The following VNN1 variants were observed in gnomAD, a reference collection of about 807,000 sequenced individuals.
VNN1 encodes pantetheinase.
Under a neutral mutation model 41.9 loss-of-function variants are expected in VNN1, and 29 were observed. The observed-to-expected ratio is 0.69, with a 90% confidence interval of 0.52 to 0.94. The LOEUF (loss-of-function observed/expected upper bound fraction) is 0.94. Ranked by LOEUF, VNN1 falls within the 40% of genes least tolerant of loss-of-function variation. VNN1 has a pLI of 0.00. For synonymous variants in VNN1, 233 were observed against 224.4 expected (o/e 1.04, Z -0.34); for missense variants, 637 against 621.1 (o/e 1.03, Z -0.27).
Position 132,711,851 on chromosome 6 carries a change from G to A in VNN1, c.211-12C>T, listed in dbSNP as rs903700987. The A allele has an allele frequency of 6.2e-7, 1 of 1,612,166 alleles. No homozygotes were observed. Among genetic ancestry groups the A allele is most frequent in the Non-Finnish European group, 8.5e-7 (1 of 1,179,126 alleles). On this transcript the variant is annotated splice_polypyrimidine_tract_variant and intron_variant, in intron 1 of 6. Transcript: ENST00000367928. ...ATAATATGCGCACCCTGTTAAAAAT[G>A]CAACTTAATCCAAAGGGGGGCCTGC...
At chr6:132,701,284 A>G (rs1778445800) in intron 2 of VNN1, among the ~76,000 whole-genome samples, 1 of 152,258 alleles carries the variant, frequency 6.6e-6, no homozygotes, top group African/African-American at 2.4e-5. Context: ...TTTAGGCATA[A>G]TAAAGGTTAA....
intron 2 of VNN1, among the ~76,000 whole-genome samples, chr6:132,707,522 G>A (rs967270285): frequency 1.3e-5 from 2 of 152,178 alleles, no homozygotes; most frequent in Admixed American, 6.5e-5. Flanking sequence ...GTTCACAATA[G>A]CCAAAATTTG....
chr6:132,711,808 G>T lies in VNN1; in HGVS notation c.242C>A (p.Ala81Asp). Reference protein sequence around the residue: ...GAHIIVTPEDAIYGWNFNRDS... With the variant: ...GAHIIVTPEDDIYGWNFNRDS... ...CCTGTTGAAGTTCCAGCCATAAATA[G>T]CATCTTCTGGAGTCACAATAATATG... Residue 81 changes from alanine to aspartate, a missense_variant, in exon 2 of 7, where the codon GCT (alanine) becomes GAT (aspartate). Physicochemically the swap from Ala to Asp is moderately radical, Grantham distance 126. Coordinates refer to ENST00000367928, the MANE Select transcript of VNN1 (RefSeq NM_004666.3). The T allele has an allele frequency of 6.2e-7, 1 of 1,613,986 alleles. No homozygotes were observed.
intron 2 of VNN1, among the ~76,000 whole-genome samples, chr6:132,700,933 G>A (rs917367787): frequency 3.9e-5 from 6 of 152,052 alleles, no homozygotes; most frequent in South Asian, 2.1e-4. Context: ...ATGGTATAAT[G>A]GATTTAAGCT....
At position 132,682,147 on chromosome 6, in the gene VNN1, A is replaced by G. The variant is rs1485531957; in HGVS notation, c.*993T>C. Reference sequence around the variant, plus strand: ...TAAAATGGGACTCTCTGGTTTTCTAATTCCAGAGGAATTCAATGATCTAAT... The same window carrying G: ...TAAAATGGGACTCTCTGGTTTTCTAGTTCCAGAGGAATTCAATGATCTAAT... On this transcript the variant is annotated 3_prime_UTR_variant, in exon 7 of 7. Transcript: ENST00000367928. The G allele has an allele frequency of 6.6e-6, 1 of 152,248 alleles. No homozygotes were observed. The highest frequency in any genetic ancestry group is 2.4e-5 in the African/African-American group (1 of 41,462). 9.4% of individuals were successfully genotyped at this position (152,248 alleles called of 1,614,324 possible). A position where few individuals can be genotyped will look rare whatever the true frequency, so the allele number is the denominator to read the frequency against.
At chr6:132,709,642 C>T (rs892995833) in intron 2 of VNN1, among the ~76,000 whole-genome samples, 41 of 142,056 alleles carry the variant, frequency 2.9e-4, no homozygotes, top group Admixed American at 1.2e-3. Flanking sequence ...CCAGCTTGGG[C>T]GACACAGAGT....
chr6:132,689,351 CT>C (rs1778251198), intron 5 of VNN1, among the ~76,000 whole-genome samples: 1 of 152,154 alleles, frequency 6.6e-6, no homozygotes, highest in Admixed American at 6.6e-5. Flanking sequence ...TGCTTCTCTT[CT>C]TCTTGTCTCA....
intron 2 of VNN1, among the ~76,000 whole-genome samples, chr6:132,700,604 G>T (rs1383282518): frequency 6.6e-6 from 1 of 152,142 alleles, no homozygotes; most frequent in East Asian, 1.9e-4. Context: ...CCAGAGGCTG[G>T]AAACCAAGAA....
intron 2 of VNN1, among the ~76,000 whole-genome samples, chr6:132,695,916 G>A (rs1298643818): frequency 5.3e-5 from 8 of 152,078 alleles, no homozygotes; most frequent in Admixed American, 4.6e-4. Flanking sequence ...AGATTCAAAT[G>A]TCTAGTTATC....
chr6:132,681,592 T>C lies in VNN1; in HGVS notation c.*1548A>G, dbSNP rs939208459. 6.6e-6 allele frequency: 1 copy of C among 152,374 alleles called. No homozygotes were observed. The highest frequency in any genetic ancestry group is 2.4e-5 in the African/African-American group (1 of 41,454). The allele number at this position is 152,374 out of a possible 1,614,324, so 9.4% of individuals were successfully genotyped here. A position where few individuals can be genotyped will look rare whatever the true frequency, so the allele number is the denominator to read the frequency against. On this transcript the variant is annotated 3_prime_UTR_variant, in exon 7 of 7. Coordinates refer to ENST00000367928, the MANE Select transcript of VNN1 (RefSeq NM_004666.3). The stretch of plus-strand genomic sequence containing the variant: ...GAGCAAAAAAGAAACACTTAGGATG[T>C]TTTTGAAGTTTTTAATAATTCAAGC...
chr6:132,692,610 A>G, intron 4 of VNN1, 26 bp from the exon 5 acceptor site: 1 of 1,528,750 alleles, frequency 6.5e-7, no homozygotes, highest in Non-Finnish European at 8.7e-7. Context: ...TGAAAACATC[A>G]TTTGAAATTG....
At chr6:132,687,093 GA>G (rs1159390107) in intron 5 of VNN1, among the ~76,000 whole-genome samples, 2 of 152,068 alleles carry the variant, frequency 1.3e-5, no homozygotes, top group Non-Finnish European at 2.9e-5. Flanking sequence ...TTCAGAAAAA[GA>G]GAAAAGAAAA....
At chr6:132,694,209 A>T (rs762263563) in intron 2 of VNN1, 27 bp from the exon 3 acceptor site, 18 of 1,535,370 alleles carry the variant, frequency 1.2e-5, no homozygotes, top group Non-Finnish European at 1.5e-5. Flanking sequence ...GGAGGAAAAA[A>T]ATCTTTGTAA....
At chr6:132,711,903 G>T (rs1332754720) in intron 1 of VNN1, 64 bp from the exon 2 acceptor site, 14 of 1,569,676 alleles carry the variant, frequency 8.9e-6, no homozygotes, top group Non-Finnish European at 1.2e-5. Context: ...CTGAGTGGCT[G>T]AGTAACAACT....
chr6:132,711,754 A>C lies in VNN1; in HGVS notation c.296T>G (p.Ile99Ser), dbSNP rs1195406004. Residue 99 changes from isoleucine (I) to serine (S), a missense_variant, in exon 2 of 7, where the codon ATC (isoleucine) becomes AGC (serine). By Grantham distance (142) the Ile-to-Ser change is moderately radical. Coordinates refer to ENST00000367928, the MANE Select transcript of VNN1 (RefSeq NM_004666.3). Reference protein sequence around the residue: ...RDSLYPYLEDIPDPEVNWIPC... With the variant: ...RDSLYPYLEDSPDPEVNWIPC... Reference sequence around the variant, plus strand: ...GATCCAGTTTACTTCAGGGTCTGGGATGTCCTCCAAATATGGGTAGAGAGA... The same window carrying C: ...GATCCAGTTTACTTCAGGGTCTGGGCTGTCCTCCAAATATGGGTAGAGAGA... 1 of 1,613,834 alleles carries C rather than the reference A, an allele frequency of 6.2e-7. No individual in the cohort carries two copies. The highest frequency in any genetic ancestry group is 1.3e-5 in the African/African-American group (1 of 74,902).
At chr6:132,711,879 G>A (rs1314186594) in intron 1 of VNN1, 40 bp from the exon 2 acceptor site, 2 of 1,602,282 alleles carry the variant, frequency 1.2e-6, no homozygotes, top group East Asian at 4.5e-5. Context: ...GGGCCTGCAA[G>A]AGGAGCTGAG....
intron 5 of VNN1, among the ~76,000 whole-genome samples, chr6:132,687,252 G>T (rs557401502): frequency 3.7e-4 from 56 of 152,150 alleles, no homozygotes; most frequent in Non-Finnish European, 7.9e-4. Flanking sequence ...CTGAAGAAAA[G>T]TCATAACCAC....
At chr6:132,705,051 C>CA (rs200682749) in intron 2 of VNN1, among the ~76,000 whole-genome samples, 10,178 of 151,320 alleles carry the variant, frequency 0.067, 365 homozygotes, top group East Asian at 0.085. Flanking sequence ...GATCTCCCAG[C>CA]AAAAAAAAGC....
At chr6:132,701,579 TGAG>T (rs1778449674) in intron 2 of VNN1, among the ~76,000 whole-genome samples, 1 of 152,084 alleles carries the variant, frequency 6.6e-6, no homozygotes, top group South Asian at 2.1e-4. Context: ...AAATAAAAGA[TGAG>T]GAGGAAGCAG....
Sources: gnomAD v4.1 joint callset for allele counts (sites outside exome capture counted in the v4.1 genomes callset) on GRCh38, gnomAD v4.1.1 for gene constraint, MANE v1.5 for transcripts, NCBI Gene and HGNC (gene_info 2026-07-23, HGNC 2026-07-21) for gene names.